The following REDIC1 variants were observed in gnomAD, a reference collection of about 807,000 sequenced individuals.
REDIC1 encodes the protein regulator of DNA class I crossover intermediates 1, also known as HEI10 Interacting Protein 1.
chr12:39,834,118 A>G, the REDIC1 span, among the ~76,000 whole-genome samples: 1 of 152,016 alleles, frequency 6.6e-6, no homozygotes, highest in Non-Finnish European at 1.5e-5. Flanking sequence ...CCTGGGTGCA[A>G]TCTTCATGCC....
chr12:39,854,286 G>A, the REDIC1 span, among the ~76,000 whole-genome samples: 1 of 151,992 alleles, frequency 6.6e-6, no homozygotes, highest in Non-Finnish European at 1.5e-5. Flanking sequence ...GAAAGTTTAA[G>A]GGTAATAGGT....
the REDIC1 span, among the ~76,000 whole-genome samples, chr12:39,747,576 C>T: frequency 5.0e-3 from 757 of 152,178 alleles, 6 homozygotes; most frequent in East Asian, 0.02. Context: ...ATACAGAGAA[C>T]GCCACAAAGA....
chr12:39,721,338 G>C, the REDIC1 span: 4 of 1,160,694 alleles, frequency 3.4e-6, no homozygotes, highest in South Asian at 5.6e-5. Context: ...AACATGATAA[G>C]AAATGAGAAA....
At chr12:39,683,369 AGAC>A in the REDIC1 span, 887 of 1,378,652 alleles carry the variant, frequency 6.4e-4, 6 homozygotes, top group African/African-American at 0.011. Flanking sequence ...AAATGAAAAT[AGAC>A]TATGCTAAAT....
chr12:39,712,129 T>TATAC, the REDIC1 span, among the ~76,000 whole-genome samples: 1 of 133,174 alleles, frequency 7.5e-6, no homozygotes. Context: ...TATATACCTG[T>TATAC]ATGTACATAT....
chr12:39,803,625 C>G, the REDIC1 span, among the ~76,000 whole-genome samples: 1 of 151,876 alleles, frequency 6.6e-6, no homozygotes, highest in Non-Finnish European at 1.5e-5. Flanking sequence ...GATATGCTAA[C>G]CAGCAAACTG....
the REDIC1 span, chr12:39,760,223 C>G: frequency 6.2e-7 from 1 of 1,612,284 alleles, no homozygotes; most frequent in Non-Finnish European, 8.5e-7. Context: ...AGTCCCACAG[C>G]AGCAAATCCA....
At chr12:39,713,939 A>G in the REDIC1 span, among the ~76,000 whole-genome samples, 1 of 148,480 alleles carries the variant, frequency 6.7e-6, no homozygotes, top group East Asian at 2.0e-4. Flanking sequence ...TTATGTGCAT[A>G]TACCTATATA....
At chr12:39,783,459 A>C in the REDIC1 span, among the ~76,000 whole-genome samples, 2 of 152,196 alleles carry the variant, frequency 1.3e-5, no homozygotes, top group Non-Finnish European at 2.9e-5. Context: ...GTCTTCCACA[A>C]TGGTTGAACT....
chr12:39,787,614 C>T, the REDIC1 span, among the ~76,000 whole-genome samples: 1 of 152,066 alleles, frequency 6.6e-6, no homozygotes. Flanking sequence ...GTTTTCTCTT[C>T]ATGCAATCAT....
chr12:39,711,637 A>G, the REDIC1 span, among the ~76,000 whole-genome samples: 19 of 123,982 alleles, frequency 1.5e-4, no homozygotes, highest in African/African-American at 4.6e-4. Flanking sequence ...GTATGTGTAT[A>G]TGTGTATACA....
At chr12:39,840,988 G>T in the REDIC1 span, among the ~76,000 whole-genome samples, 1 of 152,084 alleles carries the variant, frequency 6.6e-6, no homozygotes, top group African/African-American at 2.4e-5. Flanking sequence ...TAACAAGATT[G>T]AAGCTTGAAT....
chr12:39,813,106 A>G, the REDIC1 span, among the ~76,000 whole-genome samples: 2 of 141,476 alleles, frequency 1.4e-5, no homozygotes, highest in African/African-American at 5.3e-5. Flanking sequence ...CGGCCTCCCA[A>G]TGTGCTGGGA....
the REDIC1 span, among the ~76,000 whole-genome samples, chr12:39,896,584 A>C: frequency 6.6e-6 from 1 of 150,828 alleles, no homozygotes; most frequent in South Asian, 2.1e-4. Context: ...ATGTGTGTAT[A>C]TATGTATACA....
the REDIC1 span, among the ~76,000 whole-genome samples, chr12:39,653,303 C>A: frequency 6.6e-6 from 1 of 151,788 alleles, no homozygotes; most frequent in Non-Finnish European, 1.5e-5. Flanking sequence ...ATTACTTTCC[C>A]AATTTCATTT....
the REDIC1 span, among the ~76,000 whole-genome samples, chr12:39,898,975 T>A: frequency 6.6e-6 from 1 of 152,198 alleles, no homozygotes; most frequent in Non-Finnish European, 1.5e-5. Context: ...GGCTTTGGTA[T>A]CAGGATGATG....
At chr12:39,820,717 TTATATA>T in the REDIC1 span, among the ~76,000 whole-genome samples, 66 of 132,472 alleles carry the variant, frequency 5.0e-4, no homozygotes, top group South Asian at 1.1e-3. Flanking sequence ...ATTTTTAAAT[TTATATA>T]TATATATATA....
At chr12:39,673,018 G>A in the REDIC1 span, among the ~76,000 whole-genome samples, 1 of 152,092 alleles carries the variant, frequency 6.6e-6, no homozygotes, top group Non-Finnish European at 1.5e-5. Context: ...AATGTGGCCA[G>A]GATTATAGGA....
chr12:39,712,634 TAC>T, the REDIC1 span, among the ~76,000 whole-genome samples: 1 of 145,792 alleles, frequency 6.9e-6, no homozygotes, highest in Non-Finnish European at 1.5e-5. Context: ...TATATATGTA[TAC>T]ACATTTATAT....
Sources: gnomAD v4.1 joint callset for allele counts (sites outside exome capture counted in the v4.1 genomes callset) on GRCh38, gnomAD v4.1.1 for gene constraint, MANE v1.5 for transcripts, NCBI Gene and HGNC (gene_info 2026-07-23, HGNC 2026-07-21) for gene names.